Variants in PAPPA2 observed in about 807,000 individuals in gnomAD.
The protein encoded by PAPPA2 is pappalysin-2.
PAPPA2 carries 86 observed loss-of-function variants against 176.4 expected under a neutral mutation model. The observed-to-expected ratio is 0.49, with a 90% CI of 0.41 to 0.58. The LOEUF (loss-of-function observed/expected upper bound fraction) is 0.58, where lower values mean the gene tolerates loss of function less well. Ranked by LOEUF, PAPPA2 falls within the 20% of genes least tolerant of loss-of-function variation. PAPPA2 has a pLI of 0.00. For synonymous variants in PAPPA2, 809 were observed against 852.2 expected (o/e 0.95, Z 0.88); for missense variants, 2,073 against 2,256.9 (o/e 0.92, Z 1.65).
chr1:176,583,835 G>A (rs1653127560), intron 2 of PAPPA2, among the ~76,000 whole-genome samples: 1 of 152,148 alleles, frequency 6.6e-6, no homozygotes, highest in Non-Finnish European at 1.5e-5. Flanking sequence ...TGGGAGGACT[G>A]CTCAAGCCCA....
intron 14 of PAPPA2, among the ~76,000 whole-genome samples, chr1:176,747,243 C>G (rs1311441382): frequency 6.6e-6 from 1 of 152,166 alleles, no homozygotes; most frequent in Non-Finnish European, 1.5e-5. Flanking sequence ...TATTTTACAT[C>G]TACTTATGTG....
At chr1:176,710,822 G>A (rs1321582474) in intron 11 of PAPPA2, among the ~76,000 whole-genome samples, 1 of 152,150 alleles carries the variant, frequency 6.6e-6, no homozygotes, top group Non-Finnish European at 1.5e-5. Flanking sequence ...AGACATCTTT[G>A]AAGAGATTGA....
At chr1:176,623,685 C>CTT (rs1558479404) in intron 3 of PAPPA2, among the ~76,000 whole-genome samples, 1 of 122,116 alleles carries the variant, frequency 8.2e-6, no homozygotes, top group Non-Finnish European at 1.7e-5. Flanking sequence ...TTCTTTCTTT[C>CTT]TCTCTCTCTT....
At position 176,484,383 on chromosome 1, in the gene PAPPA2, A is replaced by C. The variant is rs145475547; in HGVS notation, c.-917+20965A>C. 2.1e-3 allele frequency among the ~76,000 whole-genome samples: 315 copies of C among 152,244 alleles called. 3 individuals are homozygous for C. Among genetic ancestry groups the C allele is most frequent in the African/African-American group, 7.3e-3 (305 of 41,544 alleles). ...TCTGAGCTTCCTGGATCTGTCGTTT[A>C]ATGTGTGACACTAATTTTGGGGAAA... On this transcript the variant is annotated intron_variant, in intron 1 of 22. Transcript: ENST00000367662.
At chr1:176,742,254 T>A (rs2102876486) in intron 14 of PAPPA2, among the ~76,000 whole-genome samples, 1 of 152,132 alleles carries the variant, frequency 6.6e-6, no homozygotes, top group Non-Finnish European at 1.5e-5. Flanking sequence ...CTGTTTTGGA[T>A]GACAGTTGCC....
intron 1 of PAPPA2, among the ~76,000 whole-genome samples, chr1:176,471,232 C>T (rs1044656591): frequency 2.6e-5 from 4 of 152,050 alleles, no homozygotes; most frequent in African/African-American, 9.7e-5. Context: ...GGTGCTGCCA[C>T]CGGAAGGATG....
intron 3 of PAPPA2, among the ~76,000 whole-genome samples, chr1:176,621,760 G>C (rs1257446679): frequency 6.6e-6 from 1 of 151,938 alleles, no homozygotes; most frequent in Non-Finnish European, 1.5e-5. Context: ...GTCTGTTATA[G>C]TAACTGCCTC....
At chr1:176,711,224 G>A (rs769777751) in intron 11 of PAPPA2, among the ~76,000 whole-genome samples, 3 of 152,016 alleles carry the variant, frequency 2.0e-5, no homozygotes, top group Non-Finnish European at 2.9e-5. Context: ...GATACCGATC[G>A]GCAACTAGCC....
intron 21 of PAPPA2, among the ~76,000 whole-genome samples, chr1:176,805,617 G>A (rs757457503): frequency 9.5e-4 from 145 of 152,200 alleles, no homozygotes; most frequent in Middle Eastern, 6.8e-3. Context: ...ATAATATAAC[G>A]TACTAGCAGT....
chr1:176,530,773 T>C (rs1473471640), intron 1 of PAPPA2, among the ~76,000 whole-genome samples: 2 of 152,164 alleles, frequency 1.3e-5, no homozygotes, highest in African/African-American at 2.4e-5. Context: ...GTTGGAAAAA[T>C]GACATAATTC....
At chr1:176,828,108 C>G (rs1557897034) in intron 21 of PAPPA2, among the ~76,000 whole-genome samples, 1 of 152,062 alleles carries the variant, frequency 6.6e-6, no homozygotes, top group African/African-American at 2.4e-5. Flanking sequence ...TCAGGATGGT[C>G]AGGGCACAGG....
At chr1:176,582,937 T>C (rs1045738198) in intron 2 of PAPPA2, among the ~76,000 whole-genome samples, 6 of 152,222 alleles carry the variant, frequency 3.9e-5, no homozygotes, top group Non-Finnish European at 8.8e-5. Flanking sequence ...TTACCTGTTA[T>C]TGATCTGTTC....
intron 1 of PAPPA2, among the ~76,000 whole-genome samples, chr1:176,477,681 G>A (rs1447750289): frequency 1.3e-5 from 2 of 152,100 alleles, no homozygotes; most frequent in African/African-American, 4.8e-5. Context: ...GGAGGTGGAA[G>A]TTGCAGTGAG....
At chr1:176,735,114 G>A (rs1268560371) in intron 12 of PAPPA2, among the ~76,000 whole-genome samples, 1 of 152,046 alleles carries the variant, frequency 6.6e-6, no homozygotes, top group African/African-American at 2.4e-5. Context: ...TTCCTCTTAT[G>A]TAATATATCC....
intron 21 of PAPPA2, among the ~76,000 whole-genome samples, chr1:176,824,273 T>C (rs778896432): frequency 6.6e-6 from 1 of 152,258 alleles, no homozygotes; most frequent in Non-Finnish European, 1.5e-5. Context: ...TTTGTTGCTG[T>C]ATCTATTTTG....
intron 3 of PAPPA2, among the ~76,000 whole-genome samples, chr1:176,605,429 C>T (rs559467075): frequency 1.7e-4 from 26 of 152,282 alleles, no homozygotes; most frequent in African/African-American, 5.8e-4. Flanking sequence ...TCAGGAACTC[C>T]ATCTCTCTCA....
chr1:176,527,860 C>T (rs1649581303), intron 1 of PAPPA2, among the ~76,000 whole-genome samples: 1 of 152,194 alleles, frequency 6.6e-6, no homozygotes, highest in Non-Finnish European at 1.5e-5. Flanking sequence ...CTCTGCCCAG[C>T]TCCCTGACAG....
At chr1:176,494,593 T>C (rs1423211549) in intron 1 of PAPPA2, among the ~76,000 whole-genome samples, 1 of 152,162 alleles carries the variant, frequency 6.6e-6, no homozygotes, top group African/African-American at 2.4e-5. Flanking sequence ...CTTACTGACG[T>C]CAATGCAAGC....
intron 1 of PAPPA2, among the ~76,000 whole-genome samples, chr1:176,527,947 T>C (rs929550632): frequency 6.6e-6 from 1 of 152,240 alleles, no homozygotes; most frequent in East Asian, 1.9e-4. Context: ...ATGCCAGGCA[T>C]GGCCAACTCA....
Sources: gnomAD v4.1 joint callset for allele counts (sites outside exome capture counted in the v4.1 genomes callset) on GRCh38, gnomAD v4.1.1 for gene constraint, MANE v1.5 for transcripts, NCBI Gene and HGNC (gene_info 2026-07-23, HGNC 2026-07-21) for gene names.